The following GLDC variants were observed in gnomAD, a reference collection of about 807,000 sequenced individuals.
The protein encoded by GLDC is glycine decarboxylase.
GLDC carries 104 observed loss-of-function variants against 121.3 expected under a neutral mutation model. That is an observed-to-expected ratio of 0.86 (90% confidence interval 0.73 to 1.01). GLDC has a LOEUF of 1.01. Ranked by LOEUF, GLDC falls within the 50% of genes least tolerant of loss-of-function variation. The pLI is 0.00. For missense variants in GLDC, 1,429 were observed against 1,306.6 expected (o/e 1.09, Z -1.44); for synonymous variants, 546 against 480.6 (o/e 1.14, Z -1.78).
intron 7 of GLDC, among the ~76,000 whole-genome samples, chr9:6,602,740 C>T (rs1587958489): frequency 1.3e-5 from 2 of 151,976 alleles, no homozygotes; most frequent in African/African-American, 4.8e-5. Context: ...GCAGGAATTT[C>T]CCAGACAAAT....
At chr9:6,614,262 T>C (rs925954639) in intron 3 of GLDC, among the ~76,000 whole-genome samples, 2 of 152,066 alleles carry the variant, frequency 1.3e-5, no homozygotes, top group Non-Finnish European at 2.9e-5. Context: ...TGAGACAGAG[T>C]CTTGCTCTGT....
intron 2 of GLDC, among the ~76,000 whole-genome samples, chr9:6,626,307 C>A (rs1475618928): frequency 6.6e-6 from 1 of 152,178 alleles, no homozygotes; most frequent in African/African-American, 2.4e-5. Flanking sequence ...GGTGGGGCAC[C>A]ACCCCAGTCC....
chr9:6,588,732 C>T (rs1818318300), intron 12 of GLDC, 30 bp from the exon 13 acceptor site: 1 of 1,414,970 alleles, frequency 7.1e-7, no homozygotes, highest in African/African-American at 1.4e-5. Context: ...AATTAGGGGC[C>T]CCAAAAGTAG....
chr9:6,634,366 A>G (rs1292029906), intron 2 of GLDC, among the ~76,000 whole-genome samples: 1 of 151,906 alleles, frequency 6.6e-6, no homozygotes, highest in African/African-American at 2.4e-5. Context: ...CCATCTCTAC[A>G]AAAAATACAA....
chr9:6,556,245 C>A lies in GLDC; in HGVS notation c.2110G>T (p.Gly704Trp). 1 of 1,612,736 alleles carries A rather than the reference C, an allele frequency of 6.2e-7. No homozygotes were observed. Among genetic ancestry groups the A allele is most frequent in the Non-Finnish European group, 8.5e-7 (1 of 1,178,726 alleles). The stretch of plus-strand genomic sequence containing the variant: ...TCACTGATGTTCTCTTCAAACACCC[C>A]ATTGGTGGATGGGTATGTAATCATG... ...AIMITYPSTN[G>W]VFEENISDVC... Residue 704 changes from glycine to tryptophan, a missense_variant, in exon 18 of 25, where the codon GGG becomes TGG. By Grantham distance (184) the Gly-to-Trp change is radical. Coordinates refer to ENST00000321612, the MANE Select transcript of GLDC (RefSeq NM_000170.3).
At chr9:6,581,163 C>G (rs1278104707) in intron 15 of GLDC, among the ~76,000 whole-genome samples, 5 of 152,228 alleles carry the variant, frequency 3.3e-5, no homozygotes, top group African/African-American at 1.2e-4. Context: ...GTGTTGCTAA[C>G]TCCAGCTTCT....
chr9:6,624,112 G>A (rs565304597), intron 2 of GLDC, among the ~76,000 whole-genome samples: 2 of 152,352 alleles, frequency 1.3e-5, no homozygotes, highest in East Asian at 3.9e-4. Context: ...GGTGTGGAAA[G>A]GTCACTGAGG....
rs978795483 is a variant in GLDC at position 6,644,613 on chromosome 9, C to G, written c.334+1G>C. 2 of 1,606,686 alleles carry G rather than the reference C, an allele frequency of 1.2e-6. No homozygotes were observed. Among genetic ancestry groups the G allele is most frequent in the Non-Finnish European group, 1.7e-6 (2 of 1,173,282 alleles). On this transcript the variant is annotated splice_donor_variant, in intron 2 of 24. Coordinates refer to ENST00000321612, the MANE Select transcript of GLDC (RefSeq NM_000170.3). LOFTEE classifies it high-confidence loss of function. ...CCAAGGGAGCCCTCCCGGCCACTTA[C>G]AAACAGGGTCTTCCATTTTCAAGGG...
In GLDC at chr9:6,639,271, C is replaced by T. The variant is rs1387358492; in HGVS notation, c.334+5343G>A. ...AAAAAAAAAGAAGATCCGCACATCA[C>T]CCACCTTCCGGCGGTCCAAGACCCT... On this transcript the variant is annotated intron_variant, in intron 2 of 24. Transcript: ENST00000321612. The T allele has an allele frequency of 1.0e-5, 9 of 900,120 alleles. No homozygotes were observed. The East Asian group carries it at 2.2e-4, about 22-fold the overall frequency. 55.8% of individuals were successfully genotyped at this position (900,120 alleles called of 1,614,324 possible). A position where few individuals can be genotyped will look rare whatever the true frequency, so the allele number is the denominator to read the frequency against.
chr9:6,643,805 A>G (rs901824394), intron 2 of GLDC, among the ~76,000 whole-genome samples: 2 of 151,956 alleles, frequency 1.3e-5, no homozygotes, highest in African/African-American at 4.8e-5. Flanking sequence ...AGGCCGAGGC[A>G]GACGGATTGC....
chr9:6,551,348 C>T (rs940258741), intron 20 of GLDC, among the ~76,000 whole-genome samples: 6 of 152,118 alleles, frequency 3.9e-5, no homozygotes, highest in African/African-American at 1.4e-4. Flanking sequence ...TTTATTTTCC[C>T]ATTGTCCCTA....
intron 2 of GLDC, among the ~76,000 whole-genome samples, chr9:6,624,659 G>T (rs1054613907): frequency 6.6e-6 from 1 of 152,122 alleles, no homozygotes; most frequent in African/African-American, 2.4e-5. Context: ...TAGGAGACAC[G>T]ATAATACTCT....
intron 18 of GLDC, among the ~76,000 whole-genome samples, chr9:6,555,386 A>G (rs1817603189): frequency 6.6e-6 from 1 of 152,196 alleles, no homozygotes; most frequent in African/African-American, 2.4e-5. Flanking sequence ...AAAGGTACAG[A>G]ATTCATTTAT....
intron 11 of GLDC, among the ~76,000 whole-genome samples, chr9:6,590,931 A>C (rs1818362469): frequency 6.6e-6 from 1 of 152,242 alleles, no homozygotes. Context: ...CAAAGAGGGC[A>C]CAGATAAGCA....
chr9:6,615,684 C>A (rs1265516964), intron 3 of GLDC, among the ~76,000 whole-genome samples: 1 of 152,052 alleles, frequency 6.6e-6, no homozygotes, highest in African/African-American at 2.4e-5. Flanking sequence ...AATCTCCACT[C>A]ACTGCAGTCT....
At chr9:6,535,909 A>T in intron 23 of GLDC, 155 bp downstream of exon 23, 1 of 723,466 alleles carries the variant, frequency 1.4e-6, no homozygotes, top group Non-Finnish European at 2.4e-6. Context: ...GACGATGGAA[A>T]CTTCAAAGTA....
intron 2 of GLDC, among the ~76,000 whole-genome samples, chr9:6,628,217 A>G (rs929174649): frequency 2.0e-5 from 3 of 152,246 alleles, no homozygotes; most frequent in Non-Finnish European, 4.4e-5. Flanking sequence ...GGGTCCTTCA[A>G]TCCCAAAGTG....
chr9:6,544,460 A>T (rs1198590785), intron 21 of GLDC, among the ~76,000 whole-genome samples: 1 of 152,180 alleles, frequency 6.6e-6, no homozygotes, highest in Non-Finnish European at 1.5e-5. Flanking sequence ...CCTAGCCAAC[A>T]TGGCGAAACC....
rs139226467 is a variant in GLDC, at chr9:6,544,384, C to T, written c.2570-4238G>A. On this transcript the variant is annotated intron_variant, in intron 21 of 24. Transcript: ENST00000321612. The stretch of plus-strand genomic sequence containing the variant: ...AGGGACAGGTATTTGCAGGCAAAGT[C>T]GCTGTTTGTCTGATGGAAAAACAAA... Among the ~76,000 whole-genome samples, 384 of 152,116 alleles carry T rather than the reference C, an allele frequency of 2.5e-3. 2 individuals carry two copies. Among genetic ancestry groups the T allele is most frequent in the African/African-American group, 8.9e-3 (371 of 41,474 alleles).
Sources: allele counts gnomAD v4.1 joint callset (sites outside exome capture counted in the v4.1 genomes callset), GRCh38; gene constraint gnomAD v4.1.1; transcripts MANE v1.5; gene names NCBI Gene and HGNC (gene_info 2026-07-23, HGNC 2026-07-21).